Variants in PCDHGA2 observed in about 807,000 individuals in gnomAD.
The protein encoded by PCDHGA2 is protocadherin gamma subfamily A, 2.
Under a neutral mutation model 59.2 loss-of-function variants are expected in PCDHGA2, and 40 were observed. The observed-to-expected ratio is 0.68, with a 90% CI of 0.52 to 0.88. PCDHGA2 has a LOEUF of 0.88. Ranked by LOEUF, PCDHGA2 falls within the 40% of genes least tolerant of loss-of-function variation. The pLI, the probability that PCDHGA2 is intolerant of heterozygous loss-of-function variation, is 0.00. For synonymous variants in PCDHGA2, 560 were observed against 526.0 expected, an observed-to-expected ratio of 1.06 and a Z score of -0.89; for missense variants, 1,226 against 1,204.0, an observed-to-expected ratio of 1.02 and a Z score of -0.27.
At chr5:141,362,487 T>A in intron 1 of PCDHGA2, 1 of 1,614,040 alleles carries the variant, frequency 6.2e-7, no homozygotes, top group Non-Finnish European at 8.5e-7. Context: ...TCTGTGACAA[T>A]GCCTCTTGGG....
rs112657435 is a variant in PCDHGA2, at chr5:141,360,032, T to C, written c.2424+18637T>C. 2,408 of 1,390,562 alleles carry C rather than the reference T, an allele frequency of 1.7e-3. 36 individuals carry two copies. In the African/African-American group the frequency reaches 0.032, roughly 18 times the overall value. The allele number at this position is 1,390,562 out of a possible 1,614,324, so 86.1% of individuals were successfully genotyped here. A position where few individuals can be genotyped will look rare whatever the true frequency, so the allele number is the denominator to read the frequency against. On this transcript the variant is annotated intron_variant, in intron 1 of 3. Coordinates refer to ENST00000394576, the MANE Select transcript of PCDHGA2 (RefSeq NM_018915.4). ...CCACACAGAGAAGGCCAGTATAGAT[T>C]CGGAAACAGAAAACAAAAGCAGGAA...
intron 1 of PCDHGA2, chr5:141,422,056 G>A: frequency 8.7e-6 from 14 of 1,611,934 alleles, no homozygotes; most frequent in Non-Finnish European, 1.2e-5. Flanking sequence ...AATCAACGGG[G>A]AAGTAATGTA....
intron 1 of PCDHGA2, chr5:141,382,842 A>C: frequency 2.0e-6 from 3 of 1,464,302 alleles, no homozygotes; most frequent in Non-Finnish European, 2.8e-6. Context: ...ACCCGGATAC[A>C]CCCGCATTCT....
chr5:141,340,366 C>T lies in PCDHGA2; in HGVS notation c.1395C>T (p.Asn465=). ...ACTCCACCTACATTCCCGAAAACAA[C>T]CCCAGAGGAGCCTCTGTCTTCTCAG... is the stretch of plus-strand genomic sequence containing the variant. The part of the protein sequence containing the change: ...TSYSTYIPEN[N]PRGASVFSVT... Residue 465 remains asparagine (N), a synonymous_variant, in exon 1 of 4, where the codon AAC becomes AAT. Transcript: ENST00000394576. 3 of 1,614,184 alleles carry T rather than the reference C, an allele frequency of 1.9e-6. No homozygotes were observed. The highest frequency in any genetic ancestry group is 2.5e-6 in the Non-Finnish European group (3 of 1,180,040).
chr5:141,350,805 G>A (rs572789275), intron 1 of PCDHGA2: 2 of 1,614,018 alleles, frequency 1.2e-6, no homozygotes, highest in African/African-American at 1.3e-5. Flanking sequence ...ACGAAGGAAA[G>A]TCCTGATGGA....
rs1375291090 is a variant in PCDHGA2, at chr5:141,392,672, T to A, written c.2424+51277T>A. 5.7e-6 allele frequency: 5 copies of A among 880,364 alleles called. No homozygotes were observed. In the Admixed American group the frequency reaches 1.3e-4, roughly 22 times the overall value. 54.5% of individuals were successfully genotyped at this position (880,364 alleles called of 1,614,324 possible). A position where few individuals can be genotyped will look rare whatever the true frequency, so the allele number is the denominator to read the frequency against. Reference sequence around the variant, plus strand: ...CCCGCAGATGCCACAAACTAACTGCTGGACTGCAGCGAAACCCGACCCCTG... The same window carrying A: ...CCCGCAGATGCCACAAACTAACTGCAGGACTGCAGCGAAACCCGACCCCTG... On this transcript the variant is annotated intron_variant, in intron 1 of 3. Transcript: ENST00000394576.
intron 1 of PCDHGA2, chr5:141,365,479 A>C: frequency 6.2e-7 from 1 of 1,614,024 alleles, no homozygotes; most frequent in African/African-American, 1.3e-5. Context: ...GTGAGATTGC[A>C]TGCTCTATTC....
rs779459928 is a variant in PCDHGA2, at chr5:141,375,433, C to G, written c.2424+34038C>G. 39 of 1,613,898 alleles carry G rather than the reference C, an allele frequency of 2.4e-5. No homozygotes were observed. The South Asian group carries it at 4.3e-4, about 18-fold the overall frequency. ...TGGCAGACACCAACGACAACCCGCC[C>G]ACCTTCCCCCATTCATCCTACTCAG... On this transcript the variant is annotated intron_variant, in intron 1 of 3. Coordinates refer to ENST00000394576, the MANE Select transcript of PCDHGA2 (RefSeq NM_018915.4).
At chr5:141,383,610 C>A (rs372785458) in intron 1 of PCDHGA2, 15 of 1,613,700 alleles carry the variant, frequency 9.3e-6, no homozygotes, top group Non-Finnish European at 1.3e-5. Flanking sequence ...ATGTGAATGA[C>A]CACACGCCTG....
In PCDHGA2 at chr5:141,505,466, T is replaced by C. The variant is rs763151131; in HGVS notation, c.2557T>C (p.Leu853=). 1 of 1,614,200 alleles carries C rather than the reference T, an allele frequency of 6.2e-7. No individual in the cohort carries two copies. The highest frequency in any genetic ancestry group is 1.3e-5 in the African/African-American group (1 of 75,068). The part of the protein sequence containing the change: ...FDTEMLQAMI[L]ASASEAADGS... Reference sequence around the variant, plus strand: ...CACAGAGATGCTGCAAGCCATGATCTTGGCGTCCGCCAGTGGTAAGTGGTG... The same window carrying C: ...CACAGAGATGCTGCAAGCCATGATCCTGGCGTCCGCCAGTGGTAAGTGGTG... The change falls in exon 3 of 4, where the codon TTG becomes CTG. Residue 853 remains leucine, a synonymous_variant. Transcript: ENST00000394576.
Position 141,393,093 on chromosome 5 carries a change from G to A in PCDHGA2, c.2424+51698G>A, listed in dbSNP as rs781611512. On this transcript the variant is annotated intron_variant, in intron 1 of 3. Coordinates refer to ENST00000394576, the MANE Select transcript of PCDHGA2 (RefSeq NM_018915.4). The stretch of plus-strand genomic sequence containing the variant: ...CACCGCGGGCAGGATAGATCGGGAG[G>A]AGCTCTGCGCTCAGAGCCCGCGGTG... 138 of 1,613,502 alleles carry A rather than the reference G, an allele frequency of 8.6e-5. No individual in the cohort carries two copies. The highest frequency in any genetic ancestry group is 1.2e-4 in the Non-Finnish European group (136 of 1,179,914).
At chr5:141,356,299 G>A (rs1226901970) in intron 1 of PCDHGA2, 10 of 1,554,820 alleles carry the variant, frequency 6.4e-6, no homozygotes, top group Non-Finnish European at 7.8e-6. Flanking sequence ...TACAGTAATT[G>A]CACTTTTCAA....
At chr5:141,394,751 C>A in intron 1 of PCDHGA2, 3 of 1,613,428 alleles carry the variant, frequency 1.9e-6, no homozygotes, top group Non-Finnish European at 2.5e-6. Context: ...TGGTGGCCGT[C>A]CAGGACCATG....
rs1562137380 is a variant in PCDHGA2, at chr5:141,490,297, G to T, written c.2425-4510G>T. On this transcript the variant is annotated intron_variant, in intron 1 of 3. Coordinates refer to ENST00000394576, the MANE Select transcript of PCDHGA2 (RefSeq NM_018915.4). This position sits in a 1 kb window ranked among gnomAD's most constrained non-coding sequence, Gnocchi z 5.4. The stretch of plus-strand genomic sequence containing the variant: ...TGACAATGCCCCAGAGGTGCTATTG[G>T]CCTCTTTGGCCAACCCTGTCCTAGA... 2 of 1,614,202 alleles carry T rather than the reference G, an allele frequency of 1.2e-6. No individual in the cohort carries two copies. Among genetic ancestry groups the T allele is most frequent in the South Asian group, 1.1e-5 (1 of 91,086 alleles).
At chr5:141,348,731 G>A (rs1289932029) in intron 1 of PCDHGA2, among the ~76,000 whole-genome samples, 3 of 152,156 alleles carry the variant, frequency 2.0e-5, no homozygotes, top group East Asian at 3.8e-4. Flanking sequence ...GGGAGGAGAA[G>A]TTCATAGTAA....
At chr5:141,470,815 G>A (rs891225908) in intron 1 of PCDHGA2, among the ~76,000 whole-genome samples, 1 of 151,980 alleles carries the variant, frequency 6.6e-6, no homozygotes, top group African/African-American at 2.4e-5. Flanking sequence ...AGCCTTCTGA[G>A]TAGTTAGGAC....
At chr5:141,419,972 C>T (rs534128024) in intron 1 of PCDHGA2, 3 of 1,613,948 alleles carry the variant, frequency 1.9e-6, no homozygotes, top group South Asian at 1.1e-5. Flanking sequence ...GCTCTTTCTC[C>T]TCGCGGTGAT....
Position 141,486,277 on chromosome 5 carries a change from G to A in PCDHGA2, c.2425-8530G>A, listed in dbSNP as rs1156704202. 6.2e-7 allele frequency: 1 copy of A among 1,614,020 alleles called. No individual in the cohort carries two copies. The highest frequency in any genetic ancestry group is 1.1e-5 in the South Asian group (1 of 91,056). ...CCGAGAGTGCAGAACCTGGCACTGT[G>A]GTGGCACTTATCAGTGTGCAGGATC... On this transcript the variant is annotated intron_variant, in intron 1 of 3. Transcript: ENST00000394576. The surrounding 1 kb of genome is among the most constrained non-coding windows in gnomAD (Gnocchi z 5.0).
In PCDHGA2 at chr5:141,362,093, C is replaced by T. The variant is rs1228101788; in HGVS notation, c.2424+20698C>T. On this transcript the variant is annotated intron_variant, in intron 1 of 3. Coordinates refer to ENST00000394576, the MANE Select transcript of PCDHGA2 (RefSeq NM_018915.4). ...GCTGTGCGTGATGGAGGACAGCCGC[C>T]ACTCTCCGCTACGGCCACGCTGCAC... is the stretch of plus-strand genomic sequence containing the variant. 1 of 1,613,828 alleles carries T rather than the reference C, an allele frequency of 6.2e-7. No individual in the cohort carries two copies. Among genetic ancestry groups the T allele is most frequent in the Non-Finnish European group, 8.5e-7 (1 of 1,179,890 alleles).
Sources: allele counts gnomAD v4.1 joint callset (sites outside exome capture counted in the v4.1 genomes callset), GRCh38; gene constraint gnomAD v4.1.1; non-coding constraint Gnocchi (gnomAD v3.1); transcripts MANE v1.5; gene names NCBI Gene and HGNC (gene_info 2026-07-23, HGNC 2026-07-21).